The following DOCK1 variants were observed in gnomAD, a reference collection of about 807,000 sequenced individuals.
The protein encoded by DOCK1 is dedicator of cytokinesis 1, also known as dedicator of cytokinesis protein 1.
In DOCK1, 138 loss-of-function variants were observed where a neutral mutation model predicts 262.7. That is an observed-to-expected ratio of 0.53 (90% confidence interval 0.46 to 0.61). DOCK1 has a LOEUF of 0.61. Among genes scored for constraint, DOCK1 ranks in the 20% least tolerant of loss-of-function variants. The pLI is 0.00. For synonymous variants in DOCK1, 866 were observed against 867.4 expected, an observed-to-expected ratio of 1.00 and a Z score of 0.03; for missense variants, 1,908 against 2,370.7, an observed-to-expected ratio of 0.80 and a Z score of 4.05.
At chr10:127,359,613 C>T (rs930162307) in intron 32 of DOCK1, among the ~76,000 whole-genome samples, 3 of 152,174 alleles carry the variant, frequency 2.0e-5, no homozygotes, top group Non-Finnish European at 2.9e-5. Flanking sequence ...AAACATTAAG[C>T]ATTTGGGAAA....
intron 27 of DOCK1, chr10:127,136,474 T>A: frequency 7.1e-6 from 1 of 141,844 alleles, no homozygotes; most frequent in Non-Finnish European, 1.5e-5. Context: ...AAATTTAAGT[T>A]GTACAAAAAA....
Position 127,012,510 on chromosome 10 carries a change from A to T in DOCK1, c.1201+136A>T. ...GGGATGACAGTGATCGTGGTGGAGA[A>T]TGTGTGTGACAGTTGCCCCTGTGTA... On this transcript the variant is annotated intron_variant, in intron 12 of 51. Coordinates refer to ENST00000623213, the MANE Select transcript of DOCK1 (RefSeq NM_001290223.2). The surrounding 1 kb of genome is among the most constrained non-coding windows in gnomAD (Gnocchi z 4.0). 1 of 767,770 alleles carries T rather than the reference A, an allele frequency of 1.3e-6. No homozygotes were observed. The highest frequency in any genetic ancestry group is 1.7e-5 in the South Asian group (1 of 58,258). 47.6% of individuals were successfully genotyped at this position (767,770 alleles called of 1,614,324 possible).
chr10:126,946,982 G>C (rs1275880034), intron 1 of DOCK1, among the ~76,000 whole-genome samples: 1 of 152,214 alleles, frequency 6.6e-6, no homozygotes, highest in Non-Finnish European at 1.5e-5. Flanking sequence ...GAGAATGCAG[G>C]TCTGATCCTG....
rs767654005 is a variant in DOCK1 at position 126,990,487 on chromosome 10, G to T, written c.357G>T (p.Arg119=). Residue 119 remains arginine (R), a synonymous_variant, in exon 6 of 52, where the codon CGG becomes CGT. Transcript: ENST00000623213. The part of the protein sequence containing the change: ...QDNREMFRSV[R]HMIYDLIEWR... ...ACAGGGAGATGTTTCGAAGTGTGCG[G>T]CACATGATCTATGACCTTATTGAAT... 1 of 1,612,766 alleles carries T rather than the reference G, an allele frequency of 6.2e-7. No homozygotes were observed. Among genetic ancestry groups the T allele is most frequent in the Non-Finnish European group, 8.5e-7 (1 of 1,179,402 alleles).
At chr10:127,150,727 A>C (rs557570630) in intron 27 of DOCK1, among the ~76,000 whole-genome samples, 6 of 152,362 alleles carry the variant, frequency 3.9e-5, no homozygotes, top group African/African-American at 1.4e-4. Context: ...ATTGCTGTGG[A>C]TTCAGTGCTT....
At chr10:127,023,984 G>C (rs900656868) in intron 14 of DOCK1, among the ~76,000 whole-genome samples, 2 of 152,132 alleles carry the variant, frequency 1.3e-5, no homozygotes, top group African/African-American at 2.4e-5. Flanking sequence ...TCTACCTACC[G>C]GCGATCATGA....
chr10:127,250,955 C>T (rs1036694411), intron 28 of DOCK1, among the ~76,000 whole-genome samples: 1 of 151,944 alleles, frequency 6.6e-6, no homozygotes, highest in Non-Finnish European at 1.5e-5. Context: ...GACTGTTTTT[C>T]AACTCTGACA....
intron 23 of DOCK1, among the ~76,000 whole-genome samples, chr10:127,079,899 C>G: frequency 6.6e-6 from 1 of 152,100 alleles, no homozygotes; most frequent in East Asian, 1.9e-4. Flanking sequence ...CCACTGCACT[C>G]CAGCCTGGGC....
chr10:126,978,061 C>A, intron 3 of DOCK1, 73 bp downstream of exon 3: 1 of 1,431,920 alleles, frequency 7.0e-7, no homozygotes, highest in Non-Finnish European at 9.8e-7. Flanking sequence ...AATTCCATCT[C>A]ATTTGTGTCT....
chr10:127,346,397 C>A (rs1424940461), intron 31 of DOCK1, among the ~76,000 whole-genome samples: 2 of 152,164 alleles, frequency 1.3e-5, no homozygotes, highest in Non-Finnish European at 2.9e-5. Flanking sequence ...GAGTTTGAGA[C>A]CAGCCTGGAC....
rs920132000 is a variant in DOCK1, at chr10:127,031,935, T to C, written c.1728+182T>C. ...TTGTTCCTAACGGGAAAAGATGATATACAATATAACAATAGGTGCCATCTA... is the reference window on the plus strand; with the variant it reads ...TTGTTCCTAACGGGAAAAGATGATACACAATATAACAATAGGTGCCATCTA... On this transcript the variant is annotated intron_variant, in intron 17 of 51. Transcript: ENST00000623213. Among the ~76,000 whole-genome samples, 4 of 152,174 alleles carry C rather than the reference T, an allele frequency of 2.6e-5. 1 individual carries two copies. In the South Asian group the frequency reaches 8.3e-4, roughly 31 times the overall value.
chr10:127,203,343 A>G (rs754884027), intron 27 of DOCK1, among the ~76,000 whole-genome samples: 3 of 152,148 alleles, frequency 2.0e-5, no homozygotes, highest in Non-Finnish European at 4.4e-5. Context: ...TTTTTTAAAG[A>G]TGACTAACAC....
intron 27 of DOCK1, among the ~76,000 whole-genome samples, chr10:127,227,710 A>G (rs1208887591): frequency 6.6e-6 from 1 of 152,208 alleles, no homozygotes; most frequent in Non-Finnish European, 1.5e-5. Context: ...GGGATGTGCA[A>G]CTTTTCCCTA....
intron 27 of DOCK1, among the ~76,000 whole-genome samples, chr10:127,214,787 A>G (rs2058133662): frequency 6.6e-6 from 1 of 152,180 alleles, no homozygotes; most frequent in Non-Finnish European, 1.5e-5. Context: ...AGGCTTCAGA[A>G]GTGTGGTCTA....
intron 32 of DOCK1, among the ~76,000 whole-genome samples, chr10:127,359,151 A>T (rs1337154166): frequency 6.6e-6 from 1 of 152,050 alleles, no homozygotes; most frequent in East Asian, 1.9e-4. Context: ...GTCAAAAAAA[A>T]AAAAGGTGGC....
intron 47 of DOCK1, among the ~76,000 whole-genome samples, chr10:127,431,159 T>A (rs187506308): frequency 2.3e-3 from 351 of 152,320 alleles, no homozygotes; most frequent in African/African-American, 8.1e-3. Context: ...CTAGTTCCAA[T>A]GTCCCCAACT....
chr10:127,355,506 T>C (rs2064103254), intron 32 of DOCK1, among the ~76,000 whole-genome samples: 1 of 152,192 alleles, frequency 6.6e-6, no homozygotes, highest in Non-Finnish European at 1.5e-5. Context: ...GCTGGTGGCC[T>C]TGCCTCAGTC....
intron 27 of DOCK1, among the ~76,000 whole-genome samples, chr10:127,239,204 A>T (rs1411188215): frequency 2.0e-5 from 3 of 152,204 alleles, no homozygotes; most frequent in African/African-American, 7.2e-5. Context: ...TTGTAAGTAG[A>T]TAAGCTATTG....
intron 23 of DOCK1, among the ~76,000 whole-genome samples, chr10:127,072,915 T>C (rs1357407680): frequency 1.3e-5 from 2 of 152,212 alleles, no homozygotes; most frequent in Non-Finnish European, 2.9e-5. Context: ...TTGTCTGGCT[T>C]CTTCAAATGC....
Sources: gnomAD v4.1 joint callset for allele counts (sites outside exome capture counted in the v4.1 genomes callset) on GRCh38, gnomAD v4.1.1 for gene constraint, Gnocchi (gnomAD v3.1) non-coding constraint, MANE v1.5 for transcripts, NCBI Gene and HGNC (gene_info 2026-07-23, HGNC 2026-07-21) for gene names.